Variants in PCDHA7 observed in about 807,000 individuals in gnomAD.
PCDHA7 encodes protocadherin alpha 7.
Under a neutral mutation model 57.2 loss-of-function variants are expected in PCDHA7, and 37 were observed. The ratio of observed to expected loss-of-function variants is 0.65; its 90% confidence interval spans 0.50 to 0.85. The LOEUF is 0.85. Ranked by LOEUF, PCDHA7 falls within the 40% of genes least tolerant of loss-of-function variation. The pLI is 0.00. For missense variants in PCDHA7, 1,188 were observed against 1,241.8 expected, an observed-to-expected ratio of 0.96 and a Z score of 0.65; for synonymous variants, 553 against 558.8, an observed-to-expected ratio of 0.99 and a Z score of 0.15.
intron 1 of PCDHA7, among the ~76,000 whole-genome samples, chr5:140,890,467 AT>A (rs1562850687): frequency 1.3e-5 from 2 of 152,154 alleles, no homozygotes; most frequent in African/African-American, 4.8e-5. Context: ...AAATATTTCA[AT>A]TTTTTGTGCG....
At chr5:140,900,369 CTGGGT>C (rs1554189090) in intron 1 of PCDHA7, among the ~76,000 whole-genome samples, 2 of 152,158 alleles carry the variant, frequency 1.3e-5, no homozygotes, top group Non-Finnish European at 2.9e-5. Flanking sequence ...CCTCTGCCTC[CTGGGT>C]TCAAGCGATT....
At chr5:140,905,395 G>T (rs1562949609) in intron 1 of PCDHA7, among the ~76,000 whole-genome samples, 1 of 152,166 alleles carries the variant, frequency 6.6e-6, no homozygotes. Context: ...AGGTCTGTGT[G>T]CCTATTTTTA....
chr5:140,871,004 G>A, intron 1 of PCDHA7: 1 of 1,613,408 alleles, frequency 6.2e-7, no homozygotes, highest in Non-Finnish European at 8.5e-7. Context: ...AGCACAACGC[G>A]TGCCCTGGAC....
intron 1 of PCDHA7, among the ~76,000 whole-genome samples, chr5:140,924,244 C>T (rs1375839311): frequency 6.6e-6 from 1 of 152,152 alleles, no homozygotes; most frequent in East Asian, 1.9e-4. Flanking sequence ...TGTTTTGCAT[C>T]CTGGTGAGAT....
intron 1 of PCDHA7, chr5:140,851,535 G>T: frequency 1.1e-6 from 1 of 904,912 alleles, no homozygotes. Flanking sequence ...TGACAATGTA[G>T]ATAATTCAAG....
Position 141,010,445 on chromosome 5 carries a change from A to C in PCDHA7, c.*508A>C. On this transcript the variant is annotated 3_prime_UTR_variant, in exon 4 of 4. Transcript: ENST00000525929. ...AAGGCAAGAAAACAAAGACAAATAA[A>C]CAGCGGAAGTTATCAGTATGGAGGG... 1.1e-6 allele frequency: 1 copy of C among 944,134 alleles called. No individual in the cohort carries two copies. The highest frequency in any genetic ancestry group is 1.5e-6 in the Non-Finnish European group (1 of 656,048). 58.5% of individuals were successfully genotyped at this position (944,134 alleles called of 1,614,324 possible).
chr5:140,869,864 A>C (rs1554163548), intron 1 of PCDHA7: 1 of 1,610,504 alleles, frequency 6.2e-7, no homozygotes, highest in African/African-American at 1.3e-5. Context: ...CTTATGGAAA[A>C]TGCTGCTAAA....
intron 1 of PCDHA7, among the ~76,000 whole-genome samples, chr5:140,923,305 G>T (rs552769255): frequency 2.6e-5 from 4 of 152,186 alleles, no homozygotes; most frequent in Non-Finnish European, 5.9e-5. Context: ...GGGCGTGGGG[G>T]CGCTTGGCCT....
chr5:140,858,537 C>T (rs1485044907), intron 1 of PCDHA7: 2 of 1,400,036 alleles, frequency 1.4e-6, no homozygotes, highest in Non-Finnish European at 2.0e-6. Flanking sequence ...TTTTTGTCTA[C>T]ATTCCATTTA....
intron 1 of PCDHA7, chr5:140,882,952 G>A (rs782634608): frequency 3.7e-6 from 6 of 1,614,048 alleles, no homozygotes; most frequent in Non-Finnish European, 5.1e-6. Flanking sequence ...CAGTTCAGCT[G>A]CTCATCACGA....
In PCDHA7 at chr5:140,978,987, C is replaced by T; in HGVS notation, c.2394C>T (p.Ser798=). 4 of 1,614,162 alleles carry T rather than the reference C, an allele frequency of 2.5e-6. No homozygotes were observed. In the South Asian group the frequency reaches 3.3e-5, roughly 13 times the overall value. The change falls in exon 2 of 4, where the codon TCC becomes TCT. Residue 798 remains serine (S), a synonymous_variant. Transcript: ENST00000525929. ...QPNPDWRYSA[S]LRAGMHSSVH... ...ACCCTGACTGGCGTTACTCTGCCTC[C>T]CTGAGAGCAGGCATGCACAGGTATG...
chr5:140,995,434 A>G (rs146744164), intron 3 of PCDHA7, among the ~76,000 whole-genome samples: 4 of 152,320 alleles, frequency 2.6e-5, no homozygotes, highest in African/African-American at 7.2e-5. Context: ...ACAGCTTGCA[A>G]TTTAAAACTT....
At chr5:141,006,644 T>C (rs1411431797) in intron 3 of PCDHA7, among the ~76,000 whole-genome samples, 3 of 152,084 alleles carry the variant, frequency 2.0e-5, no homozygotes, top group African/African-American at 7.2e-5. Context: ...ATATAAGAGA[T>C]GATGGTGTCC....
chr5:140,984,056 G>T (rs569184437), intron 3 of PCDHA7, among the ~76,000 whole-genome samples: 1 of 152,200 alleles, frequency 6.6e-6, no homozygotes, highest in Non-Finnish European at 1.5e-5. Context: ...TGACAAATCT[G>T]TACCCTCAGT....
chr5:140,870,124 G>A, intron 1 of PCDHA7: 1 of 1,613,940 alleles, frequency 6.2e-7, no homozygotes, highest in Non-Finnish European at 8.5e-7. Context: ...GGAAATCTTG[G>A]ACACCAACGA....
rs2150342799 is a variant in PCDHA7 at position 140,842,713 on chromosome 5, G to C, written c.2355+5975G>C. ...CGCAGCCCGAGTACACGGTGTTCGT[G>C]AAGGAGAACAACCCGCCGGGCTGCC... On this transcript the variant is annotated intron_variant, in intron 1 of 3. Coordinates refer to ENST00000525929, the MANE Select transcript of PCDHA7 (RefSeq NM_018910.3). 4.1e-5 allele frequency: 65 copies of C among 1,595,292 alleles called. 3 individuals are homozygous for C. In the Middle Eastern group the frequency reaches 1.3e-3, roughly 31 times the overall value.
intron 1 of PCDHA7, among the ~76,000 whole-genome samples, chr5:140,902,299 A>G (rs2069363932): frequency 6.6e-6 from 1 of 150,916 alleles, no homozygotes; most frequent in Admixed American, 6.6e-5. Flanking sequence ...CAGCCTCCCA[A>G]AGTGCTGGGA....
At chr5:140,937,020 G>A (rs2091265832) in intron 1 of PCDHA7, among the ~76,000 whole-genome samples, 1 of 151,388 alleles carries the variant, frequency 6.6e-6, no homozygotes. Flanking sequence ...CGATTAACAA[G>A]GTATATTCTT....
chr5:140,955,297 T>C (rs2153705828), intron 1 of PCDHA7, among the ~76,000 whole-genome samples: 1 of 152,262 alleles, frequency 6.6e-6, no homozygotes, highest in East Asian at 1.9e-4. Context: ...TTTGGCTGTG[T>C]CCCCACCCAA....
Sources: allele counts gnomAD v4.1 joint callset (sites outside exome capture counted in the v4.1 genomes callset), GRCh38; gene constraint gnomAD v4.1.1; transcripts MANE v1.5; gene names NCBI Gene and HGNC (gene_info 2026-07-23, HGNC 2026-07-21).